ATRNL1: variants seen among roughly 807,000 people sequenced by gnomAD.
The protein encoded by ATRNL1 is attractin-like protein 1.
Under a neutral mutation model 182.7 loss-of-function variants are expected in ATRNL1, and 95 were observed. That is an observed-to-expected ratio of 0.52 (90% CI 0.44 to 0.62). The LOEUF (loss-of-function observed/expected upper bound fraction) is 0.62, where lower values mean the gene tolerates loss of function less well. Ranked by LOEUF, ATRNL1 falls within the 20% of genes least tolerant of loss-of-function variation. The pLI is 0.00. For synonymous variants in ATRNL1, 576 were observed against 568.3 expected (o/e 1.01, Z -0.19); for missense variants, 1,471 against 1,679.5 (o/e 0.88, Z 2.17).
chr10:115,265,378 G>A (rs1851567606), intron 11 of ATRNL1, 101 bp downstream of exon 11: 2 of 687,684 alleles, frequency 2.9e-6, no homozygotes, highest in East Asian at 2.8e-5. Flanking sequence ...GGTACTTAAT[G>A]GTATTGGATT....
intron 3 of ATRNL1, among the ~76,000 whole-genome samples, chr10:115,123,231 C>G (rs568578396): frequency 1.3e-5 from 2 of 152,142 alleles, no homozygotes; most frequent in Non-Finnish European, 2.9e-5. Flanking sequence ...TATTGAATAT[C>G]CACTTGATGT....
intron 26 of ATRNL1, among the ~76,000 whole-genome samples, chr10:115,670,488 A>G (rs1486078720): frequency 6.6e-6 from 1 of 152,074 alleles, no homozygotes; most frequent in Non-Finnish European, 1.5e-5. Context: ...ACAATATATG[A>G]GATATTGGGA....
chr10:115,165,725 A>T, intron 7 of ATRNL1, 80 bp downstream of exon 7: 1 of 672,926 alleles, frequency 1.5e-6, no homozygotes, highest in Non-Finnish European at 2.4e-6. Context: ...TAAATCTCAG[A>T]TTTATTTCAA....
At position 115,719,599 on chromosome 10, in the gene ATRNL1, C is replaced by G. The variant is rs149161009; in HGVS notation, c.3796-7649C>G. On this transcript the variant is annotated intron_variant, in intron 26 of 28. Transcript: ENST00000355044. ...TCCTTTCCTAATTTACTTCAAAATA[C>G]TCAGTGTTAGCAAACATTAGAAATT... is the stretch of plus-strand genomic sequence containing the variant. Among the ~76,000 whole-genome samples, 644 of 152,242 alleles carry G rather than the reference C, an allele frequency of 4.2e-3. 2 individuals are homozygous for G. Among genetic ancestry groups the G allele is most frequent in the African/African-American group, 9.9e-3 (410 of 41,536 alleles).
chr10:115,613,525 T>G (rs1181455176), intron 26 of ATRNL1, among the ~76,000 whole-genome samples: 1 of 152,302 alleles, frequency 6.6e-6, no homozygotes, highest in African/African-American at 2.4e-5. Context: ...AGTTTCAGGC[T>G]AATGCTAGCC....
At chr10:115,549,000 A>C (rs1383847991) in intron 25 of ATRNL1, among the ~76,000 whole-genome samples, 1 of 152,120 alleles carries the variant, frequency 6.6e-6, no homozygotes, top group Non-Finnish European at 1.5e-5. Flanking sequence ...GTTCATATAT[A>C]ATATGTTCAG....
chr10:115,494,010 T>A (rs1402713539), intron 24 of ATRNL1, among the ~76,000 whole-genome samples: 1 of 152,222 alleles, frequency 6.6e-6, no homozygotes, highest in African/African-American at 2.4e-5. Flanking sequence ...ATTCTGGTTA[T>A]AAATCCTTAG....
At chr10:115,751,840 T>C (rs1948457831) in intron 27 of ATRNL1, among the ~76,000 whole-genome samples, 1 of 152,048 alleles carries the variant, frequency 6.6e-6, no homozygotes, top group Admixed American at 6.6e-5. Context: ...TACACATATA[T>C]ATTTGCTTTT....
intron 26 of ATRNL1, among the ~76,000 whole-genome samples, chr10:115,652,609 T>A (rs1860081961): frequency 6.6e-6 from 1 of 152,050 alleles, no homozygotes; most frequent in African/African-American, 2.4e-5. Flanking sequence ...TAGTAAAATG[T>A]CTTTGATCTT....
At chr10:115,576,467 G>T (rs1485871482) in intron 26 of ATRNL1, among the ~76,000 whole-genome samples, 3 of 151,832 alleles carry the variant, frequency 2.0e-5, no homozygotes, top group Non-Finnish European at 2.9e-5. Context: ...GTTTTGATTT[G>T]CATTTCCCTG....
At chr10:115,171,434 C>T (rs1255640159) in intron 8 of ATRNL1, 142 bp downstream of exon 8, 1 of 720,088 alleles carries the variant, frequency 1.4e-6, no homozygotes, top group Non-Finnish European at 2.0e-6. Context: ...TTAATATAAG[C>T]TTTTTTGATT....
intron 26 of ATRNL1, among the ~76,000 whole-genome samples, chr10:115,552,542 A>G (rs1366505416): frequency 6.6e-6 from 1 of 151,378 alleles, no homozygotes; most frequent in Non-Finnish European, 1.5e-5. Flanking sequence ...TTTAAAATGA[A>G]AATAATCTTT....
At chr10:115,355,203 T>C (rs1554942509) in intron 19 of ATRNL1, among the ~76,000 whole-genome samples, 1 of 152,200 alleles carries the variant, frequency 6.6e-6, no homozygotes, top group African/African-American at 2.4e-5. Context: ...CTTGTGGACA[T>C]TTGATGATAT....
chr10:115,254,685 G>T lies in ATRNL1; in HGVS notation c.1688-10508G>T, dbSNP rs189760630. On this transcript the variant is annotated intron_variant, in intron 10 of 28. Transcript: ENST00000355044. ...TTTGGCTTTTGTTGCCATTGCTTTG[G>T]TGTTTTAGTCATGAAGTCCTTGCCC... 3.3e-5 allele frequency among the ~76,000 whole-genome samples: 5 copies of T among 152,096 alleles called. No homozygotes were observed. The East Asian group carries it at 9.6e-4, about 29-fold the overall frequency.
At chr10:115,760,081 G>T (rs1052638828) in intron 27 of ATRNL1, among the ~76,000 whole-genome samples, 5 of 151,088 alleles carry the variant, frequency 3.3e-5, no homozygotes, top group African/African-American at 1.2e-4. Context: ...TCAAAACAAA[G>T]AACTATATAT....
At position 115,171,144 on chromosome 10, in the gene ATRNL1, T is replaced by C; in HGVS notation, c.1200T>C (p.Pro400=). The C allele has an allele frequency of 2.5e-6, 4 of 1,611,576 alleles. No homozygotes were observed. Among genetic ancestry groups the C allele is most frequent in the Non-Finnish European group, 3.4e-6 (4 of 1,178,316 alleles). Residue 400 remains proline (P), a synonymous_variant, in exon 8 of 29, where the codon CCT becomes CCC. Transcript: ENST00000355044. ...GTCAGTCATGGAGTACAAAAACTCC[T>C]ACTGTTCTTGGACATGGTCAGCAGT... is the stretch of plus-strand genomic sequence containing the variant. ...IHSQSWSTKT[P]TVLGHGQQYA...
intron 9 of ATRNL1, among the ~76,000 whole-genome samples, chr10:115,237,680 T>G (rs1850244525): frequency 6.6e-6 from 1 of 152,206 alleles, no homozygotes; most frequent in Non-Finnish European, 1.5e-5. Flanking sequence ...GCTTGTTGTT[T>G]CATTCTCATA....
At chr10:115,765,936 G>T (rs180745818) in intron 27 of ATRNL1, among the ~76,000 whole-genome samples, 25 of 150,696 alleles carry the variant, frequency 1.7e-4, no homozygotes, top group Admixed American at 1.5e-3. Flanking sequence ...CAATGCGACA[G>T]TGAATATTCT....
At chr10:115,795,598 T>C (rs1949634310) in intron 27 of ATRNL1, among the ~76,000 whole-genome samples, 1 of 152,144 alleles carries the variant, frequency 6.6e-6, no homozygotes. Context: ...CTTCTGCTTC[T>C]GGGGAGACCT....
Sources: gnomAD v4.1 joint callset for allele counts (sites outside exome capture counted in the v4.1 genomes callset) on GRCh38, gnomAD v4.1.1 for gene constraint, MANE v1.5 for transcripts, NCBI Gene and HGNC (gene_info 2026-07-23, HGNC 2026-07-21) for gene names.